VASH2: variants seen among roughly 807,000 people sequenced by gnomAD.
VASH2 encodes the protein vasohibin 2.
In VASH2, 28 loss-of-function variants were observed where a neutral mutation model predicts 37.2. The observed-to-expected ratio is 0.75, with a 90% CI of 0.56 to 1.03. The LOEUF is 1.03. VASH2 is among the 50% of genes least tolerant of loss of function. The pLI is 0.00. For missense variants in VASH2, 419 were observed against 459.1 expected, an observed-to-expected ratio of 0.91 and a Z score of 0.80; for synonymous variants, 188 against 174.7, an observed-to-expected ratio of 1.08 and a Z score of -0.60.
chr1:212,966,376 C>T (rs866220776), intron 5 of VASH2, 31 bp downstream of exon 5: 2 of 1,540,602 alleles, frequency 1.3e-6, no homozygotes, highest in Middle Eastern at 3.3e-4. Flanking sequence ...GCTTAGTTTA[C>T]TCCATAAATG....
At chr1:212,955,060 C>A (rs999719376) in intron 2 of VASH2, among the ~76,000 whole-genome samples, 5 of 152,198 alleles carry the variant, frequency 3.3e-5, no homozygotes, top group Admixed American at 6.5e-5. Flanking sequence ...CAGACTCTTT[C>A]CTCTGGGGTC....
At chr1:212,981,956 G>A (rs1386688945) in intron 7 of VASH2, among the ~76,000 whole-genome samples, 1 of 152,196 alleles carries the variant, frequency 6.6e-6, no homozygotes, top group African/African-American at 2.4e-5. Flanking sequence ...CTCCTCCTCT[G>A]CACTGAGGCT....
chr1:212,953,932 C>T (rs963784957), intron 2 of VASH2, among the ~76,000 whole-genome samples: 5 of 151,974 alleles, frequency 3.3e-5, no homozygotes, highest in African/African-American at 1.2e-4. Context: ...ATTTTGGAGA[C>T]AAGGCCTTCC....
intron 5 of VASH2, chr1:212,968,589 C>T (rs1416780002): frequency 7.1e-6 from 7 of 985,372 alleles, no homozygotes; most frequent in Non-Finnish European, 8.4e-6. Flanking sequence ...TGAGGCCCCT[C>T]CCCAACCCTC....
chr1:212,951,513 C>T lies in VASH2; in HGVS notation c.-30C>T. 1 of 1,274,756 alleles carries T rather than the reference C, an allele frequency of 7.8e-7. No individual in the cohort carries two copies. The highest frequency in any genetic ancestry group is 9.9e-7 in the Non-Finnish European group (1 of 1,009,002). 79.0% of individuals were successfully genotyped at this position (1,274,756 alleles called of 1,614,324 possible). A position where few individuals can be genotyped will look rare whatever the true frequency, so the allele number is the denominator to read the frequency against. The stretch of plus-strand genomic sequence containing the variant: ...CGCCGCTGCCGCCGCCGCGCGCCCC[C>T]AGTACCTCGCTCCCCGCCCAGGCCC... On this transcript the variant is annotated 5_prime_UTR_variant, in exon 2 of 8. Transcript: ENST00000517399. The surrounding 1 kb of genome is among the most constrained non-coding windows in gnomAD (Gnocchi z 4.4).
chr1:212,954,622 A>G (rs1234064277), intron 2 of VASH2, among the ~76,000 whole-genome samples: 1 of 151,934 alleles, frequency 6.6e-6, no homozygotes, highest in African/African-American at 2.4e-5. Context: ...GTTTCACCAT[A>G]TTGGTCAGGC....
At chr1:212,966,091 C>T (rs1438950069) in intron 4 of VASH2, 180 bp from the exon 5 acceptor site, 4 of 622,972 alleles carry the variant, frequency 6.4e-6, no homozygotes, top group African/African-American at 1.8e-5. Flanking sequence ...GGAGTACTGG[C>T]ACTAACTCCA....
intron 7 of VASH2, among the ~76,000 whole-genome samples, chr1:212,978,655 A>G (rs776187883): frequency 1.2e-4 from 19 of 152,306 alleles, no homozygotes; most frequent in Non-Finnish European, 2.4e-4. Context: ...TTGATTCCCA[A>G]AAGTCCTCCT....
rs1012827837 is a variant in VASH2, at chr1:212,961,322, G to A, written c.365+68G>A. The A allele has an allele frequency of 3.7e-6, 6 of 1,610,092 alleles. No individual in the cohort carries two copies. In the African/African-American group the frequency reaches 5.3e-5, roughly 14 times the overall value. The stretch of plus-strand genomic sequence containing the variant: ...AGGCATGGTGATCGCAAGCCTGGTG[G>A]CAAATCTGTCCCCAGCTGGTCATCA... On this transcript the variant is annotated intron_variant, in intron 3 of 7. Transcript: ENST00000517399.
intron 5 of VASH2, chr1:212,967,480 G>A (rs1666886480): frequency 1.7e-5 from 19 of 1,150,434 alleles, no homozygotes; most frequent in Non-Finnish European, 2.0e-5. Flanking sequence ...TTGAGAGATG[G>A]TCCCAGGCAA....
chr1:212,965,209 C>T (rs1294646205), intron 3 of VASH2, among the ~76,000 whole-genome samples: 1 of 152,130 alleles, frequency 6.6e-6, no homozygotes. Context: ...AGCCACTGCA[C>T]CTGGCCTTCT....
At chr1:212,955,705 C>T (rs991183543) in intron 2 of VASH2, among the ~76,000 whole-genome samples, 1 of 152,202 alleles carries the variant, frequency 6.6e-6, no homozygotes, top group African/African-American at 2.4e-5. Flanking sequence ...AGTTGATTCC[C>T]AATTGGAAAA....
At chr1:212,973,461 C>A in intron 6 of VASH2, 2 of 1,291,028 alleles carry the variant, frequency 1.5e-6, no homozygotes, top group Non-Finnish European at 2.0e-6. Context: ...ATTATGCTGA[C>A]TTCAGGCCTG....
chr1:212,976,241 C>T (rs2102649899), intron 7 of VASH2, among the ~76,000 whole-genome samples: 1 of 152,168 alleles, frequency 6.6e-6, no homozygotes, highest in African/African-American at 2.4e-5. Context: ...CTTAGAATTG[C>T]CAGTTGAAAT....
intron 2 of VASH2, among the ~76,000 whole-genome samples, chr1:212,954,462 C>T (rs1049351409): frequency 2.0e-5 from 3 of 152,126 alleles, no homozygotes; most frequent in African/African-American, 7.2e-5. Context: ...GCTCTGTCAC[C>T]CAGGCTGGAG....
In VASH2 at chr1:212,951,920, T is replaced by A. The variant is rs1360962983; in HGVS notation, c.276+102T>A. 8 of 1,345,578 alleles carry A rather than the reference T, an allele frequency of 5.9e-6. No individual in the cohort carries two copies. The highest frequency in any genetic ancestry group is 1.4e-5 in the African/African-American group (1 of 69,784). 83.4% of individuals were successfully genotyped at this position (1,345,578 alleles called of 1,614,324 possible). On this transcript the variant is annotated intron_variant, in intron 2 of 7. Coordinates refer to ENST00000517399, the MANE Select transcript of VASH2 (RefSeq NM_001301056.2). The surrounding 1 kb of genome is among the most constrained non-coding windows in gnomAD (Gnocchi z 4.4). ...CAAACACAGGCAATCTCCATTTTCC[T>A]AGTCCTGCTACAAACTCCCTTCCTC...
At chr1:212,976,453 C>T (rs2102650177) in intron 7 of VASH2, among the ~76,000 whole-genome samples, 1 of 152,212 alleles carries the variant, frequency 6.6e-6, no homozygotes, top group Middle Eastern at 3.4e-3. Context: ...CATGGTGATG[C>T]ATGCCTGTAG....
intron 7 of VASH2, among the ~76,000 whole-genome samples, chr1:212,984,512 G>C (rs1163713363): frequency 6.6e-6 from 1 of 152,188 alleles, no homozygotes; most frequent in African/African-American, 2.4e-5. Flanking sequence ...AGAGATAACA[G>C]GTCAGTGCAG....
rs2102643027 is a variant in VASH2 at position 212,971,330 on chromosome 1, T to C, written c.498-1250T>C. On this transcript the variant is annotated intron_variant, in intron 5 of 7. Transcript: ENST00000517399. The surrounding 1 kb of genome is among the most constrained non-coding windows in gnomAD (Gnocchi z 4.0). ...TGCACCCAGAAGTGGAATTGCCAGG[T>C]CCTAGGGTAATCCTGTTGAATTATT... Among the ~76,000 whole-genome samples, 1 of 152,294 alleles carries C rather than the reference T, an allele frequency of 6.6e-6. No homozygotes were observed. The highest frequency in any genetic ancestry group is 3.4e-3 in the Middle Eastern group (1 of 294).
Sources: allele counts gnomAD v4.1 joint callset (sites outside exome capture counted in the v4.1 genomes callset), GRCh38; gene constraint gnomAD v4.1.1; non-coding constraint Gnocchi (gnomAD v3.1); transcripts MANE v1.5; gene names NCBI Gene and HGNC (gene_info 2026-07-23, HGNC 2026-07-21).